The following CACUL1 variants were observed in gnomAD, a reference collection of about 807,000 sequenced individuals.
CACUL1 encodes the protein CDK2-associated and cullin domain-containing protein 1.
CACUL1 carries 13 observed loss-of-function variants against 45.2 expected under a neutral mutation model. The ratio of observed to expected loss-of-function variants is 0.29; its 90% CI spans 0.19 to 0.46. The LOEUF is 0.46. CACUL1 is among the 20% of genes least tolerant of loss of function. The pLI is 1.00. For synonymous variants in CACUL1, 197 were observed against 174.2 expected (o/e 1.13, Z -1.03); for missense variants, 421 against 471.4 (o/e 0.89, Z 0.99).
chr10:118,733,671 T>C (rs1378543258), intron 1 of CACUL1, among the ~76,000 whole-genome samples: 1 of 152,226 alleles, frequency 6.6e-6, no homozygotes, highest in Non-Finnish European at 1.5e-5. Flanking sequence ...TGTTAAGAGA[T>C]ATGTAATCAC....
chr10:118,723,287 T>A (rs1049293670), intron 3 of CACUL1, among the ~76,000 whole-genome samples: 1 of 152,198 alleles, frequency 6.6e-6, no homozygotes, highest in Non-Finnish European at 1.5e-5. Flanking sequence ...CTTGTCACAT[T>A]ATAGTTGAAA....
intron 1 of CACUL1, among the ~76,000 whole-genome samples, chr10:118,740,198 T>C (rs1165834943): frequency 1.3e-5 from 2 of 152,004 alleles, no homozygotes; most frequent in East Asian, 3.9e-4. Context: ...ATTCTGCCAA[T>C]ACAAACAAGG....
chr10:118,733,975 C>T (rs1260307825), intron 1 of CACUL1, among the ~76,000 whole-genome samples: 1 of 152,194 alleles, frequency 6.6e-6, no homozygotes, highest in East Asian at 1.9e-4. Context: ...ATGTTCATAA[C>T]CCTGTACTCC....
intron 3 of CACUL1, among the ~76,000 whole-genome samples, chr10:118,713,644 G>A (rs758191296): frequency 2.6e-5 from 4 of 152,176 alleles, no homozygotes; most frequent in Non-Finnish European, 5.9e-5. Flanking sequence ...GTTCAAATGG[G>A]TTTAGAGTAA....
chr10:118,716,032 C>T (rs1003859651), intron 3 of CACUL1, among the ~76,000 whole-genome samples: 1 of 152,036 alleles, frequency 6.6e-6, no homozygotes, highest in Non-Finnish European at 1.5e-5. Context: ...GTCAGGAGGT[C>T]GAGACCATCC....
chr10:118,688,233 C>T (rs1845227508), intron 7 of CACUL1, among the ~76,000 whole-genome samples: 1 of 152,224 alleles, frequency 6.6e-6, no homozygotes, highest in Non-Finnish European at 1.5e-5. Flanking sequence ...AGAGCTCTAA[C>T]AGGCCGGCCC....
At chr10:118,725,432 C>T (rs1436146781) in intron 3 of CACUL1, among the ~76,000 whole-genome samples, 2 of 152,168 alleles carry the variant, frequency 1.3e-5, no homozygotes, top group East Asian at 1.9e-4. Flanking sequence ...CACACCACTG[C>T]ACTCTAGTCT....
chr10:118,736,781 T>C (rs754724094), intron 1 of CACUL1, among the ~76,000 whole-genome samples: 1 of 152,208 alleles, frequency 6.6e-6, no homozygotes, highest in Non-Finnish European at 1.5e-5. Context: ...CCAATCATGA[T>C]AGGTGCCCTA....
intron 7 of CACUL1, among the ~76,000 whole-genome samples, chr10:118,687,318 A>G (rs150458209): frequency 4.6e-4 from 70 of 152,248 alleles, no homozygotes; most frequent in Non-Finnish European, 2.8e-4. Flanking sequence ...CCTCATCACC[A>G]TGTCCATTTG....
intron 4 of CACUL1, among the ~76,000 whole-genome samples, chr10:118,707,013 A>G (rs973681762): frequency 3.3e-5 from 5 of 152,200 alleles, no homozygotes; most frequent in African/African-American, 1.2e-4. Context: ...TCGATATTTA[A>G]AACAGGGAGG....
chr10:118,751,125 T>C (rs1012864391), intron 1 of CACUL1, among the ~76,000 whole-genome samples: 1 of 152,202 alleles, frequency 6.6e-6, no homozygotes, highest in African/African-American at 2.4e-5. Flanking sequence ...CTACAGAAGT[T>C]GCTGCCCTCT....
At chr10:118,707,022 G>A (rs1845438680) in intron 4 of CACUL1, among the ~76,000 whole-genome samples, 1 of 152,128 alleles carries the variant, frequency 6.6e-6, no homozygotes, top group Non-Finnish European at 1.5e-5. Flanking sequence ...AAAACAGGGA[G>A]GAAGCTGATC....
At position 118,679,740 on chromosome 10, in the gene CACUL1, A is replaced by G. The variant is rs935120907; in HGVS notation, c.*6388T>C. ...CACCATGTTGGCCAGGCTGGTCTTG[A>G]ACTCCTGACCTCAAATGATACGCCC... On this transcript the variant is annotated 3_prime_UTR_variant, in exon 9 of 9. Coordinates refer to ENST00000369151, the MANE Select transcript of CACUL1 (RefSeq NM_153810.5). 1 of 152,110 alleles carries G rather than the reference A, an allele frequency of 6.6e-6. No individual in the cohort carries two copies. The highest frequency in any genetic ancestry group is 1.5e-5 in the Non-Finnish European group (1 of 68,094). 9.4% of individuals were successfully genotyped at this position (152,110 alleles called of 1,614,324 possible).
intron 3 of CACUL1, among the ~76,000 whole-genome samples, chr10:118,725,885 T>C (rs1845647283): frequency 6.6e-6 from 1 of 152,208 alleles, no homozygotes; most frequent in South Asian, 2.1e-4. Context: ...TATATACTCT[T>C]CAATCTCCCC....
At chr10:118,750,908 AC>A (rs911073447) in intron 1 of CACUL1, among the ~76,000 whole-genome samples, 31 of 152,340 alleles carry the variant, frequency 2.0e-4, no homozygotes, top group African/African-American at 7.2e-4. Flanking sequence ...ATACAGGCAT[AC>A]AGTGTGTAAT....
chr10:118,694,228 G>A lies in CACUL1; in HGVS notation c.886+913C>T, dbSNP rs141366634. Among the ~76,000 whole-genome samples the A allele has an allele frequency of 2.3e-3, 343 of 152,238 alleles. 3 individuals are homozygous for A. Among genetic ancestry groups the A allele is most frequent in the African/African-American group, 7.8e-3 (322 of 41,526 alleles). On this transcript the variant is annotated intron_variant, in intron 6 of 8. Transcript: ENST00000369151. ...TTTCACTTGGTTTCCATTTTAGCTT[G>A]CTAAATTCTGACAGGTCGTTTAATT...
At chr10:118,753,354 T>G (rs1845916289) in intron 1 of CACUL1, among the ~76,000 whole-genome samples, 1 of 152,220 alleles carries the variant, frequency 6.6e-6, no homozygotes, top group African/African-American at 2.4e-5. Context: ...GGCAAATATT[T>G]TCTCTGCACA....
At chr10:118,693,977 C>T (rs1282467173) in intron 6 of CACUL1, among the ~76,000 whole-genome samples, 1 of 152,198 alleles carries the variant, frequency 6.6e-6, no homozygotes, top group African/African-American at 2.4e-5. Flanking sequence ...TGCAGTGGTA[C>T]AATCAGCTCA....
intron 1 of CACUL1, among the ~76,000 whole-genome samples, chr10:118,735,066 G>C (rs908497153): frequency 2.7e-4 from 41 of 152,182 alleles, no homozygotes; most frequent in Non-Finnish European, 4.1e-4. Context: ...TTCACTGCTA[G>C]AGCCCCAACT....
Sources: allele counts gnomAD v4.1 joint callset (sites outside exome capture counted in the v4.1 genomes callset), GRCh38; gene constraint gnomAD v4.1.1; transcripts MANE v1.5; gene names NCBI Gene and HGNC (gene_info 2026-07-23, HGNC 2026-07-21).